NLGN1: variants seen among roughly 807,000 people sequenced by gnomAD.
The protein encoded by NLGN1 is neuroligin 1, also known as neuroligin-1.
Under a neutral mutation model 65.5 loss-of-function variants are expected in NLGN1, and 12 were observed. The ratio of observed to expected loss-of-function variants is 0.18; its 90% CI spans 0.12 to 0.30. NLGN1 has a LOEUF of 0.30. Ranked by LOEUF, NLGN1 falls within the 10% of genes least tolerant of loss-of-function variation. NLGN1 has a pLI of 1.00. For synonymous variants in NLGN1, 350 were observed against 359.5 expected, an observed-to-expected ratio of 0.97 and a Z score of 0.30; for missense variants, 750 against 1,007.1, an observed-to-expected ratio of 0.74 and a Z score of 3.46.
intron 2 of NLGN1, among the ~76,000 whole-genome samples, chr3:173,455,694 G>A (rs1288262211): frequency 6.6e-6 from 1 of 151,862 alleles, no homozygotes; most frequent in African/African-American, 2.4e-5. Context: ...ATAAAACAAG[G>A]TTAGCCTGTG....
At chr3:173,571,385 A>G (rs1396878747) in intron 2 of NLGN1, among the ~76,000 whole-genome samples, 1 of 152,208 alleles carries the variant, frequency 6.6e-6, no homozygotes, top group African/African-American at 2.4e-5. Context: ...AGCTGTCTCT[A>G]GGTGTGAGTA....
chr3:173,923,267 T>A (rs1011442606), intron 4 of NLGN1, among the ~76,000 whole-genome samples: 3 of 151,956 alleles, frequency 2.0e-5, no homozygotes, highest in African/African-American at 4.8e-5. Context: ...GAGTAGAGGG[T>A]CTGTTTTGTG....
intron 4 of NLGN1, among the ~76,000 whole-genome samples, chr3:174,173,985 T>A (rs1265355626): frequency 1.3e-5 from 2 of 152,002 alleles, no homozygotes; most frequent in Admixed American, 6.6e-5. Flanking sequence ...TTTCCCACTC[T>A]TTCACCCTGG....
intron 4 of NLGN1, among the ~76,000 whole-genome samples, chr3:174,179,261 TA>T (rs1230136304): frequency 6.6e-6 from 1 of 152,064 alleles, no homozygotes; most frequent in South Asian, 2.1e-4. Flanking sequence ...TATCTTGATT[TA>T]AAAAAAATAA....
In NLGN1 at chr3:173,771,076, AAAG is replaced by A. The variant is rs1439522061; in HGVS notation, c.494-36600_494-36598del. On this transcript the variant is annotated intron_variant, in intron 3 of 6. Coordinates refer to ENST00000457714, the Ensembl canonical transcript of NLGN1. ...AAGTTCATCTCAAATGCACTTCCAC[AAAG>A]AAGTCTTCACTGAGACCTCACAGAG... Among the ~76,000 whole-genome samples the A allele has an allele frequency of 2.0e-5, 3 of 152,150 alleles. No homozygotes were observed. The East Asian group carries it at 5.8e-4, about 29-fold the overall frequency.
chr3:173,577,066 T>C (rs1024329637), intron 2 of NLGN1, among the ~76,000 whole-genome samples: 8 of 152,044 alleles, frequency 5.3e-5, no homozygotes, highest in Admixed American at 1.3e-4. Flanking sequence ...GCAAAAGGAG[T>C]CTGTGAGTCT....
At chr3:173,979,457 G>A (rs1560768595) in intron 4 of NLGN1, among the ~76,000 whole-genome samples, 1 of 152,124 alleles carries the variant, frequency 6.6e-6, no homozygotes, top group Non-Finnish European at 1.5e-5. Flanking sequence ...ATTATTAAGT[G>A]TAAGAGCTTA....
At chr3:173,414,066 C>G (rs909739009) in intron 1 of NLGN1, among the ~76,000 whole-genome samples, 1 of 152,120 alleles carries the variant, frequency 6.6e-6, no homozygotes, top group Non-Finnish European at 1.5e-5. Flanking sequence ...AAAGCATCTT[C>G]ATACTTACAT....
At chr3:174,076,532 A>T (rs1233388923) in intron 4 of NLGN1, among the ~76,000 whole-genome samples, 1 of 152,150 alleles carries the variant, frequency 6.6e-6, no homozygotes, top group African/African-American at 2.4e-5. Flanking sequence ...CAAAGGTTTC[A>T]TCTAAACTGG....
chr3:173,937,268 T>C (rs1364381827), intron 4 of NLGN1, among the ~76,000 whole-genome samples: 1 of 152,064 alleles, frequency 6.6e-6, no homozygotes, highest in African/African-American at 2.4e-5. Context: ...CATAGGTACT[T>C]TTTTTTCTTC....
intron 2 of NLGN1, among the ~76,000 whole-genome samples, chr3:173,594,179 A>G (rs1749050165): frequency 1.3e-5 from 2 of 152,184 alleles, no homozygotes; most frequent in Non-Finnish European, 2.9e-5. Flanking sequence ...CAAAAAGTCC[A>G]TAGTCCAAAG....
chr3:174,088,083 C>T (rs149727996), intron 4 of NLGN1, among the ~76,000 whole-genome samples: 3,268 of 152,192 alleles, frequency 0.021, 50 homozygotes, highest in Non-Finnish European at 0.028. Context: ...GTTTTTTCCT[C>T]AAATGCCAAG....
At chr3:173,495,092 A>T (rs1341270992) in intron 2 of NLGN1, among the ~76,000 whole-genome samples, 1 of 151,796 alleles carries the variant, frequency 6.6e-6, no homozygotes, top group Admixed American at 6.5e-5. Flanking sequence ...TAATTTGAGG[A>T]TCATTACTAT....
At chr3:173,996,791 A>T (rs1196073169) in intron 4 of NLGN1, among the ~76,000 whole-genome samples, 1 of 152,208 alleles carries the variant, frequency 6.6e-6, no homozygotes, top group Non-Finnish European at 1.5e-5. Flanking sequence ...GAGAATATGC[A>T]ACAAAGTAAT....
At chr3:174,135,324 C>T (rs533739201) in intron 4 of NLGN1, among the ~76,000 whole-genome samples, 9 of 151,948 alleles carry the variant, frequency 5.9e-5, no homozygotes, top group Non-Finnish European at 1.2e-4. Context: ...CTAGAACATA[C>T]GATAGAATTG....
At chr3:174,246,717 C>T (rs1365648851) in intron 4 of NLGN1, among the ~76,000 whole-genome samples, 8 of 149,670 alleles carry the variant, frequency 5.3e-5, no homozygotes, top group Non-Finnish European at 1.0e-4. Flanking sequence ...CTGTTTTTAG[C>T]TCCTAATTCC....
chr3:174,255,360 T>A (rs1396991996), intron 4 of NLGN1, among the ~76,000 whole-genome samples: 1 of 139,486 alleles, frequency 7.2e-6, no homozygotes, highest in Admixed American at 8.1e-5. Context: ...GCCATGAACC[T>A]GGGAGGCGGA....
intron 4 of NLGN1, among the ~76,000 whole-genome samples, chr3:174,070,103 A>G (rs1739490877): frequency 1.3e-5 from 2 of 152,198 alleles, no homozygotes; most frequent in Non-Finnish European, 2.9e-5. Flanking sequence ...CCAAAAGAAC[A>G]TAGGATGATG....
chr3:173,584,071 A>G (rs972716860), intron 2 of NLGN1, among the ~76,000 whole-genome samples: 2 of 143,022 alleles, frequency 1.4e-5, no homozygotes, highest in African/African-American at 5.6e-5. Flanking sequence ...ATTTTTGTAG[A>G]CAAAAAAAAA....
Sources: allele counts gnomAD v4.1 joint callset (sites outside exome capture counted in the v4.1 genomes callset), GRCh38; gene constraint gnomAD v4.1.1; transcripts MANE v1.5; gene names NCBI Gene and HGNC (gene_info 2026-07-23, HGNC 2026-07-21).